Variants in RNF217 observed in about 807,000 individuals in gnomAD.
The protein encoded by RNF217 is ring finger protein 217.
A neutral mutation model predicts 57.8 loss-of-function variants in RNF217; 31 were observed. The ratio of observed to expected loss-of-function variants is 0.54; its 90% CI spans 0.40 to 0.72. The LOEUF (loss-of-function observed/expected upper bound fraction) is 0.72, where lower values mean the gene tolerates loss of function less well. Among genes scored for constraint, RNF217 ranks in the 30% least tolerant of loss-of-function variants. The pLI, the probability that RNF217 is intolerant of heterozygous loss-of-function variation, is 0.00. For missense variants in RNF217, 696 were observed against 708.3 expected (o/e 0.98, Z 0.20); for synonymous variants, 313 against 294.0 (o/e 1.06, Z -0.66).
chr6:124,975,096 A>G (rs1485135307), intron 1 of RNF217, among the ~76,000 whole-genome samples: 2 of 152,188 alleles, frequency 1.3e-5, no homozygotes, highest in Non-Finnish European at 2.9e-5. Flanking sequence ...TTCAAAAGCT[A>G]ATTATAGGCT....
chr6:124,990,215 G>A (rs1320662873), intron 1 of RNF217, among the ~76,000 whole-genome samples: 1 of 152,082 alleles, frequency 6.6e-6, no homozygotes, highest in Non-Finnish European at 1.5e-5. Context: ...ATCTCCTTCT[G>A]AATTACTTCT....
At chr6:124,963,902 GT>G (rs1783418455) in intron 1 of RNF217, among the ~76,000 whole-genome samples, 1 of 152,208 alleles carries the variant, frequency 6.6e-6, no homozygotes. Flanking sequence ...AAGAGTGAAT[GT>G]TTAAAAAAAT....
intron 1 of RNF217, among the ~76,000 whole-genome samples, chr6:125,012,364 A>G (rs1306194347): frequency 1.3e-5 from 2 of 152,138 alleles, no homozygotes; most frequent in African/African-American, 4.8e-5. Context: ...AGATATGTAC[A>G]ATGGATACTT....
At chr6:125,048,782 C>T (rs1471106079) in intron 2 of RNF217, among the ~76,000 whole-genome samples, 2 of 151,972 alleles carry the variant, frequency 1.3e-5, no homozygotes, top group East Asian at 1.9e-4. Context: ...TAAGAATAAG[C>T]AGTAACTAGA....
At chr6:125,030,515 T>C (rs747417302) in intron 1 of RNF217, among the ~76,000 whole-genome samples, 2 of 152,176 alleles carry the variant, frequency 1.3e-5, no homozygotes, top group Non-Finnish European at 2.9e-5. Context: ...AAATGGGAGC[T>C]ATTGGCCAAA....
At chr6:125,024,213 G>T (rs1785972381) in intron 1 of RNF217, among the ~76,000 whole-genome samples, 1 of 152,178 alleles carries the variant, frequency 6.6e-6, no homozygotes, top group Admixed American at 6.5e-5. Context: ...TTTTGTTGAT[G>T]GTTGAGGGAG....
chr6:125,054,141 T>C (rs919788249), intron 2 of RNF217, among the ~76,000 whole-genome samples: 2 of 152,122 alleles, frequency 1.3e-5, no homozygotes, highest in Non-Finnish European at 2.9e-5. Context: ...AGATTAGACA[T>C]CTACATCCCT....
At chr6:125,053,152 C>G (rs756684544) in intron 2 of RNF217, among the ~76,000 whole-genome samples, 3 of 152,108 alleles carry the variant, frequency 2.0e-5, no homozygotes, top group Non-Finnish European at 2.9e-5. Context: ...TCTCTGAACG[C>G]TTATGTTCCA....
intron 1 of RNF217, among the ~76,000 whole-genome samples, chr6:124,998,260 G>T (rs562854102): frequency 6.6e-6 from 1 of 152,056 alleles, no homozygotes; most frequent in South Asian, 2.1e-4. Flanking sequence ...GATTCACCTT[G>T]TATGTCATTT....
chr6:125,010,080 T>C (rs1381238775), intron 1 of RNF217, among the ~76,000 whole-genome samples: 3 of 151,580 alleles, frequency 2.0e-5, no homozygotes, highest in Non-Finnish European at 2.9e-5. Context: ...AGACTGCAGT[T>C]GGCCAGCATC....
intron 1 of RNF217, among the ~76,000 whole-genome samples, chr6:125,013,222 A>G (rs1324682751): frequency 6.6e-6 from 1 of 152,158 alleles, no homozygotes; most frequent in Non-Finnish European, 1.5e-5. Flanking sequence ...GAGAAGAAAC[A>G]GGTAATAAAC....
At chr6:125,077,197 G>A (rs141527362) in intron 4 of RNF217, among the ~76,000 whole-genome samples, 2 of 152,182 alleles carry the variant, frequency 1.3e-5, no homozygotes, top group African/African-American at 4.8e-5. Context: ...ATATCCAGCA[G>A]CAGGTCGTAC....
At chr6:125,037,296 CA>C (rs35148637) in intron 1 of RNF217, among the ~76,000 whole-genome samples, 1 of 152,084 alleles carries the variant, frequency 6.6e-6, no homozygotes, top group South Asian at 2.1e-4. Context: ...GCTGTTGTAT[CA>C]AAATACCAGA....
chr6:124,994,790 A>G (rs1204498986), intron 1 of RNF217, among the ~76,000 whole-genome samples: 1 of 152,334 alleles, frequency 6.6e-6, no homozygotes, highest in Middle Eastern at 3.4e-3. Context: ...AGTAAGAATT[A>G]TACTTGAAAA....
intron 1 of RNF217, among the ~76,000 whole-genome samples, chr6:125,040,249 A>G (rs754778559): frequency 1.3e-5 from 2 of 152,170 alleles, no homozygotes; most frequent in Non-Finnish European, 2.9e-5. Context: ...AATAAAAATG[A>G]TAATGGGGAT....
chr6:125,084,982 T>G lies in RNF217; in HGVS notation c.*2045T>G, dbSNP rs1310572588. 1.3e-5 allele frequency: 2 copies of G among 151,910 alleles called. No individual in the cohort carries two copies. Among genetic ancestry groups the G allele is most frequent in the Non-Finnish European group, 2.9e-5 (2 of 67,846 alleles). 9.4% of individuals were successfully genotyped at this position (151,910 alleles called of 1,614,324 possible). On this transcript the variant is annotated 3_prime_UTR_variant, in exon 6 of 6. Transcript: ENST00000521654. Reference sequence around the variant, plus strand: ...TTAGTTTGGCAATATGTGAATATGATGAACTCTAAACCTAGCTGATCTGTA... The same window carrying G: ...TTAGTTTGGCAATATGTGAATATGAGGAACTCTAAACCTAGCTGATCTGTA...
chr6:125,063,430 T>C (rs1787818647), intron 3 of RNF217, among the ~76,000 whole-genome samples: 1 of 152,212 alleles, frequency 6.6e-6, no homozygotes, highest in African/African-American at 2.4e-5. Context: ...TAGTCATTTC[T>C]GGATTCTGAT....
intron 1 of RNF217, among the ~76,000 whole-genome samples, chr6:125,033,287 G>T (rs1237369686): frequency 6.9e-6 from 1 of 145,244 alleles, no homozygotes; most frequent in African/African-American, 2.6e-5. Flanking sequence ...CTGGTGTGCT[G>T]CACCCATTAA....
In RNF217 at chr6:125,086,912, C is replaced by T. The variant is rs1025433133; in HGVS notation, c.*3975C>T. 2 of 152,090 alleles carry T rather than the reference C, an allele frequency of 1.3e-5. No individual in the cohort carries two copies. Among genetic ancestry groups the T allele is most frequent in the Non-Finnish European group, 2.9e-5 (2 of 68,002 alleles). 9.4% of individuals were successfully genotyped at this position (152,090 alleles called of 1,614,324 possible). A position where few individuals can be genotyped will look rare whatever the true frequency, so the allele number is the denominator to read the frequency against. ...CTCCAATTGAGCCTTTATCTTTCAA[C>T]CTTACCACCCAAGTATATGACCAAC... On this transcript the variant is annotated 3_prime_UTR_variant, in exon 6 of 6. Coordinates refer to ENST00000521654, the MANE Select transcript of RNF217 (RefSeq NM_001286398.3).
Sources: allele counts gnomAD v4.1 joint callset (sites outside exome capture counted in the v4.1 genomes callset), GRCh38; gene constraint gnomAD v4.1.1; transcripts MANE v1.5; gene names NCBI Gene and HGNC (gene_info 2026-07-23, HGNC 2026-07-21).